Variants in TECRL observed in about 807,000 individuals in gnomAD.
The protein encoded by TECRL is trans-2,3-enoyl-CoA reductase-like.
Under a neutral mutation model 52.8 loss-of-function variants are expected in TECRL, and 63 were observed. The observed-to-expected ratio is 1.19, with a 90% CI of 0.97 to 1.47. TECRL has a LOEUF of 1.47. Among genes scored for constraint, TECRL ranks in the 40% most tolerant of loss-of-function variants. The probability of loss-of-function intolerance (pLI) is 0.00; values close to 1 mark genes in which losing one functional copy is unlikely to be tolerated. For missense variants in TECRL, 482 were observed against 429.6 expected, an observed-to-expected ratio of 1.12 and a Z score of -1.08; for synonymous variants, 164 against 141.9, an observed-to-expected ratio of 1.16 and a Z score of -1.10.
chr4:64,293,874 A>G (rs1457082368), intron 8 of TECRL, among the ~76,000 whole-genome samples: 1 of 151,630 alleles, frequency 6.6e-6, no homozygotes, highest in Non-Finnish European at 1.5e-5. Flanking sequence ...TTTTCATAAG[A>G]ATGAAAATGA....
intron 1 of TECRL, among the ~76,000 whole-genome samples, chr4:64,408,727 G>A (rs1233543729): frequency 6.6e-6 from 1 of 151,870 alleles, no homozygotes; most frequent in Non-Finnish European, 1.5e-5. Flanking sequence ...ATTTTCTATA[G>A]AAACTAATCA....
chr4:64,317,515 C>A (rs1195102695), intron 4 of TECRL, among the ~76,000 whole-genome samples: 2 of 151,874 alleles, frequency 1.3e-5, no homozygotes. Flanking sequence ...TTGTTGAAAA[C>A]AAAATAAAGT....
intron 8 of TECRL, chr4:64,299,141 A>C (rs1329623653): frequency 1.3e-5 from 2 of 151,308 alleles, no homozygotes; most frequent in East Asian, 3.9e-4. Context: ...AAGCCAACAC[A>C]GTGGAGGACG....
At chr4:64,307,049 C>T (rs1724381524) in intron 6 of TECRL, among the ~76,000 whole-genome samples, 1 of 152,144 alleles carries the variant, frequency 6.6e-6, no homozygotes, top group Non-Finnish European at 1.5e-5. Flanking sequence ...AAGCCAACCC[C>T]TATATTTTCA....
In TECRL at chr4:64,279,842, C is replaced by T. The variant is rs1722729994; in HGVS notation, c.*230G>A. The T allele has an allele frequency of 1.9e-6, 2 of 1,055,540 alleles. No individual in the cohort carries two copies. Among genetic ancestry groups the T allele is most frequent in the Non-Finnish European group, 2.3e-6 (2 of 876,100 alleles). 65.4% of individuals were successfully genotyped at this position (1,055,540 alleles called of 1,614,324 possible). A position where few individuals can be genotyped will look rare whatever the true frequency, so the allele number is the denominator to read the frequency against. On this transcript the variant is annotated 3_prime_UTR_variant, in exon 12 of 12. Coordinates refer to ENST00000381210, the MANE Select transcript of TECRL (RefSeq NM_001010874.5). ...AGACAATTTTATTCAAGGACCAATC[C>T]CATGCAAATACATTCAGAGCTGTTC...
At chr4:64,298,164 T>A (rs904497721) in intron 8 of TECRL, among the ~76,000 whole-genome samples, 13 of 151,310 alleles carry the variant, frequency 8.6e-5, no homozygotes, top group African/African-American at 2.9e-4. Context: ...TTAAAGTTTA[T>A]CAAATTGTTA....
rs551298160 is a variant in TECRL at position 64,336,033 on chromosome 4, A to C, written c.287-7477T>G. On this transcript the variant is annotated intron_variant, in intron 2 of 11. Coordinates refer to ENST00000381210, the MANE Select transcript of TECRL (RefSeq NM_001010874.5). ...AGGATGACGCTGGCCTCATAAAATG[A>C]GTTAGGGAGGATTCTCTCTTTTTCT... Among the ~76,000 whole-genome samples, 37 of 152,110 alleles carry C rather than the reference A, an allele frequency of 2.4e-4. No homozygotes were observed. The South Asian group carries it at 7.5e-3, about 31-fold the overall frequency.
intron 2 of TECRL, among the ~76,000 whole-genome samples, chr4:64,360,884 A>T (rs1464292308): frequency 3.9e-5 from 6 of 152,276 alleles, no homozygotes; most frequent in Admixed American, 1.3e-4. Flanking sequence ...ATTGGCAGAG[A>T]CAGAACTCCA....
intron 1 of TECRL, among the ~76,000 whole-genome samples, chr4:64,385,357 C>A (rs1487975010): frequency 6.6e-6 from 1 of 152,166 alleles, no homozygotes; most frequent in African/African-American, 2.4e-5. Context: ...AGGTTTGGAG[C>A]AGCCTGTTGA....
At chr4:64,401,196 T>C (rs1724337601) in intron 1 of TECRL, among the ~76,000 whole-genome samples, 1 of 152,196 alleles carries the variant, frequency 6.6e-6, no homozygotes, top group Non-Finnish European at 1.5e-5. Flanking sequence ...GATTACCCTG[T>C]TCAAAGAAAA....
At chr4:64,330,399 T>G (rs998987595) in intron 2 of TECRL, among the ~76,000 whole-genome samples, 1 of 152,100 alleles carries the variant, frequency 6.6e-6, no homozygotes. Context: ...TGTGGAAATT[T>G]AACTCAATAT....
chr4:64,353,675 T>C (rs1234377634), intron 2 of TECRL, among the ~76,000 whole-genome samples: 1 of 152,154 alleles, frequency 6.6e-6, no homozygotes, highest in South Asian at 2.1e-4. Flanking sequence ...GATATCGAGA[T>C]GCCATACTGA....
Position 64,347,714 on chromosome 4 carries a change from C to T in TECRL, c.287-19158G>A, listed in dbSNP as rs190560772. ...TATCATAAGAACAGCAAGGAGGAAA[C>T]GGCCCCCATGATCCAGTAACCTCCT... On this transcript the variant is annotated intron_variant, in intron 2 of 11. Transcript: ENST00000381210. 5.9e-5 allele frequency among the ~76,000 whole-genome samples: 9 copies of T among 152,232 alleles called. No homozygotes were observed. The East Asian group carries it at 1.2e-3, about 20-fold the overall frequency.
intron 8 of TECRL, among the ~76,000 whole-genome samples, chr4:64,297,187 C>A (rs531246098): frequency 3.4e-4 from 51 of 151,246 alleles, no homozygotes; most frequent in African/African-American, 1.2e-3. Context: ...GTAGAAAAAA[C>A]AAGAGGGAGA....
chr4:64,297,499 A>G (rs1723756019), intron 8 of TECRL, among the ~76,000 whole-genome samples: 1 of 151,000 alleles, frequency 6.6e-6, no homozygotes, highest in Non-Finnish European at 1.5e-5. Flanking sequence ...CATATTATAT[A>G]AGATCGATCC....
chr4:64,348,111 A>G (rs1720120799), intron 2 of TECRL, among the ~76,000 whole-genome samples: 3 of 152,192 alleles, frequency 2.0e-5, no homozygotes, highest in Admixed American at 6.5e-5. Context: ...TCATACTGCT[A>G]TAAAACACTA....
At chr4:64,402,821 AG>A (rs947745687) in intron 1 of TECRL, among the ~76,000 whole-genome samples, 2 of 152,128 alleles carry the variant, frequency 1.3e-5, no homozygotes, top group African/African-American at 4.8e-5. Context: ...TACCTACAAA[AG>A]CAATGCCTTC....
chr4:64,289,843 T>C, intron 8 of TECRL, 76 bp from the exon 9 acceptor site: 1 of 927,768 alleles, frequency 1.1e-6, no homozygotes, highest in Non-Finnish European at 1.5e-6. Flanking sequence ...TAGAGTTATA[T>C]AAAATCTGTG....
intron 2 of TECRL, among the ~76,000 whole-genome samples, chr4:64,330,559 T>C (rs113048428): frequency 0.029 from 4,347 of 152,138 alleles, 66 homozygotes; most frequent in Non-Finnish European, 0.038. Context: ...TCACAACACT[T>C]TGGGAGGCCA....
Sources: gnomAD v4.1 joint callset for allele counts (sites outside exome capture counted in the v4.1 genomes callset) on GRCh38, gnomAD v4.1.1 for gene constraint, MANE v1.5 for transcripts, NCBI Gene and HGNC (gene_info 2026-07-23, HGNC 2026-07-21) for gene names.